Variants in PDLIM5 observed in about 807,000 individuals in gnomAD.
PDLIM5 encodes the protein PDZ and LIM domain 5, also known as PDZ and LIM domain protein 5.
A neutral mutation model predicts 64.2 loss-of-function variants in PDLIM5; 34 were observed. The observed-to-expected ratio is 0.53, with a 90% CI of 0.40 to 0.71. PDLIM5 has a LOEUF of 0.71. Ranked by LOEUF, PDLIM5 falls within the 30% of genes least tolerant of loss-of-function variation. PDLIM5 has a pLI of 0.00. For synonymous variants in PDLIM5, 253 were observed against 269.1 expected (o/e 0.94, Z 0.59); for missense variants, 683 against 733.6 (o/e 0.93, Z 0.80).
chr4:94,574,006 A>G (rs562730190), intron 4 of PDLIM5, among the ~76,000 whole-genome samples: 12 of 152,198 alleles, frequency 7.9e-5, no homozygotes, highest in Non-Finnish European at 1.5e-4. Context: ...ACATGCTCAC[A>G]TGACCATTGC....
chr4:94,583,476 ATAAGT>A (rs920477179), intron 5 of PDLIM5, among the ~76,000 whole-genome samples: 1 of 152,176 alleles, frequency 6.6e-6, no homozygotes, highest in African/African-American at 2.4e-5. Flanking sequence ...TAAAACTATA[ATAAGT>A]TTAGTAGCTC....
chr4:94,489,307 T>A (rs536198228), intron 2 of PDLIM5, among the ~76,000 whole-genome samples: 29 of 152,286 alleles, frequency 1.9e-4, no homozygotes, highest in South Asian at 6.2e-4. Flanking sequence ...GAATGCTTGA[T>A]GAATTATCTT....
chr4:94,608,014 A>G (rs1738065649), intron 7 of PDLIM5: 1 of 1,388,060 alleles, frequency 7.2e-7, no homozygotes. Flanking sequence ...TGTACTTTTC[A>G]TTAATATTTC....
chr4:94,509,338 T>G (rs1728665498), intron 2 of PDLIM5, among the ~76,000 whole-genome samples: 1 of 152,138 alleles, frequency 6.6e-6, no homozygotes. Context: ...CTCTGCTCTA[T>G]TTTTCTTTTG....
intron 2 of PDLIM5, among the ~76,000 whole-genome samples, chr4:94,470,079 G>A (rs2126091159): frequency 6.8e-6 from 1 of 146,732 alleles, no homozygotes; most frequent in East Asian, 2.1e-4. Context: ...TAATTGTCCT[G>A]CCTAAGCCTC....
At chr4:94,595,122 C>T (rs1736965975) in intron 7 of PDLIM5, among the ~76,000 whole-genome samples, 1 of 152,102 alleles carries the variant, frequency 6.6e-6, no homozygotes, top group Non-Finnish European at 1.5e-5. Context: ...CTCATGAGAA[C>T]AATCTCACTG....
intron 3 of PDLIM5, among the ~76,000 whole-genome samples, chr4:94,551,433 T>G (rs1223212803): frequency 1.3e-5 from 2 of 152,134 alleles, no homozygotes; most frequent in African/African-American, 4.8e-5. Context: ...AGGGTATCCC[T>G]TGAATTCTCC....
intron 3 of PDLIM5, among the ~76,000 whole-genome samples, chr4:94,566,444 T>C (rs1734326831): frequency 6.6e-6 from 1 of 152,134 alleles, no homozygotes; most frequent in Non-Finnish European, 1.5e-5. Context: ...TAATCAGAAA[T>C]AGAATAATTT....
chr4:94,479,707 A>G (rs925661022), intron 2 of PDLIM5, among the ~76,000 whole-genome samples: 2 of 152,162 alleles, frequency 1.3e-5, no homozygotes, highest in African/African-American at 4.8e-5. Flanking sequence ...ATTCCATTTT[A>G]AGATATACGT....
chr4:94,617,455 C>A (rs923782481), intron 7 of PDLIM5, among the ~76,000 whole-genome samples: 2 of 151,744 alleles, frequency 1.3e-5, no homozygotes, highest in Admixed American at 6.6e-5. Context: ...ATAGCACAAC[C>A]AACGTTTGGC....
intron 5 of PDLIM5, among the ~76,000 whole-genome samples, chr4:94,582,032 A>G (rs1337659186): frequency 6.6e-6 from 1 of 152,204 alleles, no homozygotes; most frequent in Admixed American, 6.5e-5. Context: ...GACAGGAGAG[A>G]GTAAGAAAAT....
chr4:94,623,512 G>A (rs546533314), intron 8 of PDLIM5, among the ~76,000 whole-genome samples: 1 of 152,184 alleles, frequency 6.6e-6, no homozygotes, highest in South Asian at 2.1e-4. Context: ...TTTCAATAAT[G>A]TCTTTGTTAT....
chr4:94,552,141 C>G (rs1022310597), intron 3 of PDLIM5, among the ~76,000 whole-genome samples: 5 of 148,268 alleles, frequency 3.4e-5, no homozygotes, highest in Non-Finnish European at 7.6e-5. Context: ...GTTTTTATTA[C>G]TGCAGTTGTA....
chr4:94,473,219 G>A (rs1725032133), intron 2 of PDLIM5, among the ~76,000 whole-genome samples: 1 of 152,168 alleles, frequency 6.6e-6, no homozygotes, highest in Non-Finnish European at 1.5e-5. Flanking sequence ...GATGGCTGGA[G>A]TAGGCAGAAT....
chr4:94,630,341 C>T (rs11734014), intron 8 of PDLIM5, among the ~76,000 whole-genome samples: 54,065 of 151,830 alleles, frequency 0.36, 10,865 homozygotes, highest in South Asian at 0.61. Context: ...TGTCTTTTGT[C>T]AGGGGGAGTA....
rs758902326 is a variant in PDLIM5 at position 94,575,946 on chromosome 4, A to G, written c.622A>G (p.Thr208Ala). ...TGCAGTTAATGTCCCACGGCAGCCC[A>G]CAGTCACCAGCGTGTGTTCCGAGAC... is the stretch of plus-strand genomic sequence containing the variant. ...KTAVNVPRQPTVTSVCSETSQ... is the reference protein window; with the variant it reads ...KTAVNVPRQPAVTSVCSETSQ... Residue 208 changes from threonine (T) to alanine (A), a missense_variant, in exon 5 of 13, where the codon ACA becomes GCA. Coordinates refer to ENST00000317968, the MANE Select transcript of PDLIM5 (RefSeq NM_006457.5). 5 of 1,614,192 alleles carry G rather than the reference A, an allele frequency of 3.1e-6. No homozygotes were observed. In the Admixed American group the frequency reaches 8.3e-5, roughly 27 times the overall value.
chr4:94,490,060 T>G (rs1405558166), intron 2 of PDLIM5, among the ~76,000 whole-genome samples: 1 of 151,924 alleles, frequency 6.6e-6, no homozygotes, highest in Non-Finnish European at 1.5e-5. Context: ...AATGAATGTT[T>G]TTGTGGGTTT....
intron 3 of PDLIM5, among the ~76,000 whole-genome samples, chr4:94,527,515 A>G (rs532741313): frequency 1.3e-4 from 20 of 152,258 alleles, no homozygotes; most frequent in African/African-American, 4.6e-4. Context: ...ATATACTACT[A>G]TCATTTACAG....
At chr4:94,632,279 C>T (rs1236776284) in intron 8 of PDLIM5, among the ~76,000 whole-genome samples, 1 of 152,158 alleles carries the variant, frequency 6.6e-6, no homozygotes, top group East Asian at 1.9e-4. Flanking sequence ...TGCCTCATTT[C>T]GTGATTCTAC....
Sources: allele counts gnomAD v4.1 joint callset (sites outside exome capture counted in the v4.1 genomes callset), GRCh38; gene constraint gnomAD v4.1.1; transcripts MANE v1.5; gene names NCBI Gene and HGNC (gene_info 2026-07-23, HGNC 2026-07-21).